ADK: variants seen among roughly 807,000 people sequenced by gnomAD.
ADK encodes adenosine kinase.
Under a neutral mutation model 44.7 loss-of-function variants are expected in ADK, and 24 were observed. The observed-to-expected ratio is 0.54, with a 90% CI of 0.39 to 0.76. ADK has a LOEUF of 0.76. Ranked by LOEUF, ADK falls within the 30% of genes least tolerant of loss-of-function variation. The pLI, the probability that ADK is intolerant of heterozygous loss-of-function variation, is 0.00. For missense variants in ADK, 321 were observed against 425.1 expected, an observed-to-expected ratio of 0.76 and a Z score of 2.15; for synonymous variants, 128 against 142.6, an observed-to-expected ratio of 0.90 and a Z score of 0.73.
intron 3 of ADK, among the ~76,000 whole-genome samples, chr10:74,259,023 C>T (rs1483352361): frequency 9.1e-5 from 13 of 143,334 alleles, no homozygotes; most frequent in African/African-American, 3.4e-4. Context: ...ATGATCTCGG[C>T]TCATTGCAAC....
intron 2 of ADK, among the ~76,000 whole-genome samples, chr10:74,216,737 A>T (rs149750392): frequency 1.9e-3 from 272 of 140,982 alleles, no homozygotes; most frequent in East Asian, 8.1e-3. Flanking sequence ...AAAAAAAAAT[A>T]AAAAAAAAAA....
At chr10:74,289,096 A>C (rs1013542966) in intron 3 of ADK, among the ~76,000 whole-genome samples, 7 of 152,366 alleles carry the variant, frequency 4.6e-5, no homozygotes, top group Admixed American at 2.6e-4. Flanking sequence ...ATGCCTGGTT[A>C]AACTTTATTG....
rs11819396 is a variant in ADK at position 74,338,605 on chromosome 10, A to G, written c.273+23860A>G. 7.6e-3 allele frequency among the ~76,000 whole-genome samples: 1,162 copies of G among 152,360 alleles called. 11 individuals are homozygous for G. The highest frequency in any genetic ancestry group is 0.013 in the Non-Finnish European group (879 of 68,044). Reference sequence around the variant, plus strand: ...CTTTGTAAAAGAATAAATTACTGGTACAGTCAACAGTTTCCGTAGATCTTA... The same window carrying G: ...CTTTGTAAAAGAATAAATTACTGGTGCAGTCAACAGTTTCCGTAGATCTTA... On this transcript the variant is annotated intron_variant, in intron 4 of 10. Coordinates refer to ENST00000539909, the MANE Select transcript of ADK (RefSeq NM_006721.4).
chr10:74,574,551 C>G (rs996600695), intron 7 of ADK, among the ~76,000 whole-genome samples: 1 of 152,104 alleles, frequency 6.6e-6, no homozygotes, highest in African/African-American at 2.4e-5. Flanking sequence ...CAGTATCTAC[C>G]AGTAATGTCT....
intron 8 of ADK, among the ~76,000 whole-genome samples, chr10:74,597,890 G>T (rs1851976498): frequency 6.6e-6 from 1 of 152,028 alleles, no homozygotes; most frequent in Non-Finnish European, 1.5e-5. Flanking sequence ...TAATCTATCT[G>T]GCTTAAGGTG....
chr10:74,227,405 C>G (rs1844581670), intron 3 of ADK, among the ~76,000 whole-genome samples: 1 of 152,086 alleles, frequency 6.6e-6, no homozygotes, highest in African/African-American at 2.4e-5. Flanking sequence ...CTCTAATTAT[C>G]TTGATATTAA....
intron 6 of ADK, among the ~76,000 whole-genome samples, chr10:74,503,611 A>G (rs941239163): frequency 2.0e-5 from 3 of 152,208 alleles, no homozygotes; most frequent in African/African-American, 7.2e-5. Flanking sequence ...ATTAAAATTG[A>G]TAGGACCTTA....
At chr10:74,293,186 A>C (rs1414887478) in intron 3 of ADK, among the ~76,000 whole-genome samples, 4 of 150,884 alleles carry the variant, frequency 2.7e-5, no homozygotes, top group African/African-American at 4.9e-5. Context: ...AAAAAAAAAA[A>C]AAAAAAAGGA....
chr10:74,508,308 G>A (rs537482257), intron 6 of ADK: 4 of 152,234 alleles, frequency 2.6e-5, no homozygotes, highest in African/African-American at 7.2e-5. Context: ...ACACCAAACT[G>A]TTGATCTTTA....
intron 10 of ADK, among the ~76,000 whole-genome samples, chr10:74,691,653 G>C (rs1221271583): frequency 6.6e-6 from 1 of 152,198 alleles, no homozygotes; most frequent in Non-Finnish European, 1.5e-5. Flanking sequence ...ATTCTCCATG[G>C]CTTGTCACAG....
intron 7 of ADK, among the ~76,000 whole-genome samples, chr10:74,566,452 T>C (rs1209337726): frequency 1.3e-5 from 2 of 152,096 alleles, no homozygotes; most frequent in Non-Finnish European, 2.9e-5. Context: ...CAGTCCTTCC[T>C]CAGTCTCCCA....
intron 10 of ADK, among the ~76,000 whole-genome samples, chr10:74,682,647 C>T (rs1483988352): frequency 2.0e-5 from 3 of 149,690 alleles, no homozygotes; most frequent in African/African-American, 4.9e-5. Context: ...GATCTCAGCT[C>T]ACTGCAACCT....
intron 7 of ADK, among the ~76,000 whole-genome samples, chr10:74,565,747 A>AC (rs1456091236): frequency 6.6e-6 from 1 of 151,618 alleles, no homozygotes; most frequent in East Asian, 1.9e-4. Flanking sequence ...AAAAAAAAAA[A>AC]AACCATGAAC....
At chr10:74,181,485 A>G (rs1842556037) in intron 1 of ADK, among the ~76,000 whole-genome samples, 1 of 152,228 alleles carries the variant, frequency 6.6e-6, no homozygotes, top group Non-Finnish European at 1.5e-5. Context: ...GAAATGATAG[A>G]ACATATTTGA....
chr10:74,185,852 A>G (rs1192446855), intron 1 of ADK, among the ~76,000 whole-genome samples: 1 of 146,756 alleles, frequency 6.8e-6, no homozygotes, highest in Non-Finnish European at 1.5e-5. Context: ...GAAAAAAAAA[A>G]AAAAAAAAAA....
intron 3 of ADK, among the ~76,000 whole-genome samples, chr10:74,305,482 C>T (rs549031033): frequency 4.6e-5 from 7 of 152,094 alleles, no homozygotes; most frequent in African/African-American, 1.4e-4. Flanking sequence ...CCCTTACCCC[C>T]ACAGCTTCAC....
At chr10:74,237,029 A>C (rs1188482374) in intron 3 of ADK, among the ~76,000 whole-genome samples, 1 of 152,096 alleles carries the variant, frequency 6.6e-6, no homozygotes, top group Non-Finnish European at 1.5e-5. Context: ...TGAAGGTTGG[A>C]GTGTCTGTGG....
chr10:74,342,389 A>T (rs1465687331), intron 4 of ADK, among the ~76,000 whole-genome samples: 2 of 152,160 alleles, frequency 1.3e-5, no homozygotes, highest in Non-Finnish European at 1.5e-5. Context: ...TTTCTTTTTG[A>T]TGCTATTGTA....
chr10:74,412,744 C>A (rs954553448), intron 6 of ADK, among the ~76,000 whole-genome samples: 2 of 152,080 alleles, frequency 1.3e-5, no homozygotes, highest in Admixed American at 1.3e-4. Flanking sequence ...AGCAGTAGAT[C>A]TCAACAGTGG....
Sources: allele counts gnomAD v4.1 joint callset (sites outside exome capture counted in the v4.1 genomes callset), GRCh38; gene constraint gnomAD v4.1.1; transcripts MANE v1.5; gene names NCBI Gene and HGNC (gene_info 2026-07-23, HGNC 2026-07-21).